CHRM3: variants seen among roughly 807,000 people sequenced by gnomAD.
CHRM3 encodes muscarinic acetylcholine receptor M3.
CHRM3 carries 11 observed loss-of-function variants against 41.8 expected under a neutral mutation model. That is an observed-to-expected ratio of 0.26 (90% confidence interval 0.17 to 0.44). The LOEUF (loss-of-function observed/expected upper bound fraction) is 0.44. CHRM3 is among the 20% of genes least tolerant of loss of function. CHRM3 has a pLI of 1.00. For missense variants in CHRM3, 571 were observed against 745.4 expected (o/e 0.77, Z 2.72); for synonymous variants, 297 against 301.4 (o/e 0.99, Z 0.15).
intron 2 of CHRM3, among the ~76,000 whole-genome samples, chr1:239,525,452 TTTC>T (rs1338945823): frequency 9.2e-6 from 1 of 109,262 alleles, no homozygotes; most frequent in African/African-American, 3.1e-5. Flanking sequence ...TTTCTTTTTG[TTTC>T]TTTTTTTTAA....
chr1:239,392,298 G>A (rs1659105805), intron 1 of CHRM3, among the ~76,000 whole-genome samples: 1 of 152,130 alleles, frequency 6.6e-6, no homozygotes, highest in Non-Finnish European at 1.5e-5. Flanking sequence ...TGTCATTGTT[G>A]GCAGGATCAA....
intron 2 of CHRM3, among the ~76,000 whole-genome samples, chr1:239,504,543 A>G (rs1237587680): frequency 1.3e-5 from 2 of 152,176 alleles, no homozygotes; most frequent in East Asian, 3.9e-4. Flanking sequence ...CTCTCATTTG[A>G]TCCAGCAATC....
At chr1:239,394,478 TCATCA>T (rs1335340149) in intron 1 of CHRM3, among the ~76,000 whole-genome samples, 1 of 152,220 alleles carries the variant, frequency 6.6e-6, no homozygotes, top group Non-Finnish European at 1.5e-5. Context: ...AGCTTTAACT[TCATCA>T]CATCACATCT....
chr1:239,643,614 C>T (rs755901585), intron 4 of CHRM3, among the ~76,000 whole-genome samples: 6 of 152,174 alleles, frequency 3.9e-5, no homozygotes, highest in Admixed American at 1.3e-4. Flanking sequence ...TTTTTAAACC[C>T]GTCGGAAAAG....
intron 1 of CHRM3, among the ~76,000 whole-genome samples, chr1:239,455,414 C>G (rs1389478983): frequency 6.6e-6 from 1 of 151,640 alleles, no homozygotes; most frequent in Non-Finnish European, 1.5e-5. Flanking sequence ...AAGGGGTGTT[C>G]CAGAAGAAGG....
intron 3 of CHRM3, among the ~76,000 whole-genome samples, chr1:239,602,115 T>TATATATA (rs1553337656): frequency 2.9e-5 from 4 of 139,814 alleles, no homozygotes; most frequent in African/African-American, 1.2e-4. Context: ...TGTGTGTATA[T>TATATATA]ATATATATAT....
intron 2 of CHRM3, among the ~76,000 whole-genome samples, chr1:239,505,538 A>T (rs888224759): frequency 6.6e-6 from 1 of 152,156 alleles, no homozygotes; most frequent in East Asian, 1.9e-4. Context: ...ACCTTCTGCC[A>T]TGATTGTGAT....
intron 3 of CHRM3, among the ~76,000 whole-genome samples, chr1:239,621,891 A>G (rs1313613434): frequency 6.6e-6 from 1 of 152,148 alleles, no homozygotes; most frequent in African/African-American, 2.4e-5. Context: ...AGAAGATGCC[A>G]TCTAGGACTT....
At chr1:239,632,791 T>C (rs1669991063) in intron 4 of CHRM3, among the ~76,000 whole-genome samples, 1 of 152,226 alleles carries the variant, frequency 6.6e-6, no homozygotes, top group South Asian at 2.1e-4. Flanking sequence ...CAAACACTGC[T>C]AACATCTTAC....
At chr1:239,564,618 A>G (rs1211858964) in intron 3 of CHRM3, among the ~76,000 whole-genome samples, 1 of 152,162 alleles carries the variant, frequency 6.6e-6, no homozygotes, top group Non-Finnish European at 1.5e-5. Flanking sequence ...TATTAATAGA[A>G]CCATATATCT....
chr1:239,688,159 GA>G (rs980923708), intron 5 of CHRM3, among the ~76,000 whole-genome samples: 3 of 148,910 alleles, frequency 2.0e-5, no homozygotes, highest in Non-Finnish European at 3.0e-5. Context: ...TTTGCAGAAG[GA>G]AAAAAATACA....
intron 5 of CHRM3, among the ~76,000 whole-genome samples, chr1:239,696,646 A>G (rs1255445446): frequency 6.6e-6 from 1 of 152,232 alleles, no homozygotes; most frequent in East Asian, 1.9e-4. Flanking sequence ...TCTCCTTTAA[A>G]GTACACAGAT....
At chr1:239,801,043 G>A (rs757027708) in intron 5 of CHRM3, among the ~76,000 whole-genome samples, 1 of 152,160 alleles carries the variant, frequency 6.6e-6, no homozygotes, top group Non-Finnish European at 1.5e-5. Flanking sequence ...ATGAGGAAAC[G>A]GGGTGCCAGG....
At chr1:239,766,935 C>T (rs1572226539) in intron 5 of CHRM3, among the ~76,000 whole-genome samples, 1 of 152,180 alleles carries the variant, frequency 6.6e-6, no homozygotes, top group Admixed American at 6.5e-5. Flanking sequence ...TGGTCTCGAA[C>T]TCCTGACCTC....
chr1:239,757,079 C>T (rs929065339), intron 5 of CHRM3, among the ~76,000 whole-genome samples: 6 of 152,154 alleles, frequency 3.9e-5, no homozygotes, highest in Non-Finnish European at 7.3e-5. Flanking sequence ...TACCATTTTT[C>T]TCTCACATGA....
intron 6 of CHRM3, among the ~76,000 whole-genome samples, chr1:239,831,164 G>A (rs886947742): frequency 2.0e-5 from 3 of 152,150 alleles, no homozygotes; most frequent in African/African-American, 7.2e-5. Context: ...GGGCTGACCC[G>A]AATGCACCCT....
Position 239,414,507 on chromosome 1 carries a change from A to G in CHRM3, c.-521+27280A>G, listed in dbSNP as rs570370035. Among the ~76,000 whole-genome samples the G allele has an allele frequency of 2.6e-5, 4 of 152,386 alleles. No individual in the cohort carries two copies. The East Asian group carries it at 5.8e-4, about 22-fold the overall frequency. On this transcript the variant is annotated intron_variant, in intron 1 of 6. Transcript: ENST00000676153. ...CTGCGCTGTGTGACATTAAACAAAT[A>G]TCAGCCTCTCACTTGTGTTTGTCTC...
intron 5 of CHRM3, among the ~76,000 whole-genome samples, chr1:239,815,770 G>GACCT (rs1385790523): frequency 8.5e-5 from 13 of 152,166 alleles, no homozygotes; most frequent in African/African-American, 3.1e-4. Flanking sequence ...CTCATATTGG[G>GACCT]ACCTGTATTT....
chr1:239,786,103 T>A (rs11808853), intron 5 of CHRM3, among the ~76,000 whole-genome samples: 20,522 of 152,138 alleles, frequency 0.13, 1,663 homozygotes, highest in East Asian at 0.39. Context: ...TTTAACCTAT[T>A]TTTTATTTCT....
Sources: allele counts gnomAD v4.1 joint callset (sites outside exome capture counted in the v4.1 genomes callset), GRCh38; gene constraint gnomAD v4.1.1; transcripts MANE v1.5; gene names NCBI Gene and HGNC (gene_info 2026-07-23, HGNC 2026-07-21).